CDH4: variants seen among roughly 807,000 people sequenced by gnomAD.
The protein encoded by CDH4 is cadherin-4.
CDH4 carries 33 observed loss-of-function variants against 86.0 expected under a neutral mutation model. The observed-to-expected ratio is 0.38, with a 90% CI of 0.29 to 0.51. The LOEUF (loss-of-function observed/expected upper bound fraction) is 0.51. Among genes scored for constraint, CDH4 ranks in the 20% least tolerant of loss-of-function variants. The probability of loss-of-function intolerance (pLI) is 0.86; values close to 1 mark genes in which losing one functional copy is unlikely to be tolerated. For missense variants in CDH4, 1,114 were observed against 1,307.4 expected, an observed-to-expected ratio of 0.85 and a Z score of 2.28; for synonymous variants, 555 against 549.4, an observed-to-expected ratio of 1.01 and a Z score of -0.14.
chr20:61,386,785 T>C (rs1253285061), intron 2 of CDH4, among the ~76,000 whole-genome samples: 1 of 152,252 alleles, frequency 6.6e-6, no homozygotes, highest in African/African-American at 2.4e-5. Flanking sequence ...CTCGATATTT[T>C]GTGCCTTCAG....
intron 2 of CDH4, among the ~76,000 whole-genome samples, chr20:61,682,852 T>C (rs2087532274): frequency 6.6e-6 from 1 of 152,026 alleles, no homozygotes; most frequent in African/African-American, 2.4e-5. Context: ...AACGTTCTTA[T>C]TGTGGGGCAA....
intron 14 of CDH4, 39 bp downstream of exon 14, chr20:61,933,163 C>T (rs374369352): frequency 2.5e-5 from 40 of 1,601,548 alleles, no homozygotes; most frequent in African/African-American, 2.0e-4. Context: ...CACGCGAGGC[C>T]GGCTCTCACG....
intron 2 of CDH4, among the ~76,000 whole-genome samples, chr20:61,439,256 C>T (rs954028030): frequency 1.3e-5 from 2 of 152,058 alleles, no homozygotes; most frequent in African/African-American, 2.4e-5. Flanking sequence ...CTGCAGTGTG[C>T]GTTTCGGTTG....
At chr20:61,481,925 T>C (rs142166374) in intron 2 of CDH4, among the ~76,000 whole-genome samples, 1 of 152,344 alleles carries the variant, frequency 6.6e-6, no homozygotes, top group African/African-American at 2.4e-5. Context: ...ATCGATGACT[T>C]TTCCATACAT....
intron 2 of CDH4, among the ~76,000 whole-genome samples, chr20:61,618,217 T>C (rs890842142): frequency 2.6e-5 from 4 of 152,090 alleles, no homozygotes; most frequent in Admixed American, 6.5e-5. Context: ...CGGTTCTTGT[T>C]TTCCGGAGCC....
intron 2 of CDH4, among the ~76,000 whole-genome samples, chr20:61,507,276 C>T (rs761726985): frequency 2.0e-5 from 3 of 152,138 alleles, no homozygotes; most frequent in Non-Finnish European, 1.5e-5. Context: ...TAGAACAAGG[C>T]GCAGCCATCT....
chr20:61,629,236 C>A (rs1262274718), intron 2 of CDH4, among the ~76,000 whole-genome samples: 1 of 152,128 alleles, frequency 6.6e-6, no homozygotes, highest in East Asian at 1.9e-4. Context: ...GCCAGGGAGC[C>A]CCCTGTGGCT....
chr20:61,601,568 G>T (rs560797750), intron 2 of CDH4, among the ~76,000 whole-genome samples: 1 of 152,132 alleles, frequency 6.6e-6, no homozygotes, highest in Non-Finnish European at 1.5e-5. Context: ...TCAGATGCCC[G>T]CCCGCTGCCC....
At chr20:61,446,726 C>T (rs2085352323) in intron 2 of CDH4, among the ~76,000 whole-genome samples, 1 of 152,198 alleles carries the variant, frequency 6.6e-6, no homozygotes. Context: ...CCGAAGAAAG[C>T]CCAGCCCGCT....
At chr20:61,764,438 G>A (rs2088674504) in intron 3 of CDH4, among the ~76,000 whole-genome samples, 1 of 152,134 alleles carries the variant, frequency 6.6e-6, no homozygotes. Flanking sequence ...GGAAGAGAGA[G>A]GATGCCTGTA....
chr20:61,916,279 G>A (rs1028094115), intron 9 of CDH4, among the ~76,000 whole-genome samples: 1 of 152,118 alleles, frequency 6.6e-6, no homozygotes, highest in Non-Finnish European at 1.5e-5. Context: ...CCAGTATCTT[G>A]AGGGCATCTG....
chr20:61,497,995 G>T (rs2085674341), intron 2 of CDH4, among the ~76,000 whole-genome samples: 1 of 142,370 alleles, frequency 7.0e-6, no homozygotes, highest in South Asian at 2.2e-4. Flanking sequence ...CTCATAGGTG[G>T]GAATTAAACA....
chr20:61,433,086 G>T (rs897978861), intron 2 of CDH4, among the ~76,000 whole-genome samples: 3 of 152,086 alleles, frequency 2.0e-5, no homozygotes, highest in African/African-American at 7.2e-5. Flanking sequence ...TGATCCGCCT[G>T]CCTTGGCCTC....
chr20:61,562,061 C>T (rs8116130), intron 2 of CDH4, among the ~76,000 whole-genome samples: 3,584 of 137,848 alleles, frequency 0.026, 47 homozygotes, highest in African/African-American at 0.068. Context: ...CCAGGGCTCC[C>T]GGAGAGAGAG....
chr20:61,466,281 A>C (rs1325315295), intron 2 of CDH4, among the ~76,000 whole-genome samples: 1 of 152,182 alleles, frequency 6.6e-6, no homozygotes, highest in Non-Finnish European at 1.5e-5. Context: ...GTTTGACAAT[A>C]TGTGAGCACA....
Position 61,932,979 on chromosome 20 carries a change from C to T in CDH4, c.2240-6C>T, listed in dbSNP as rs975497426. On this transcript the variant is annotated splice_region_variant and splice_polypyrimidine_tract_variant and intron_variant, in intron 13 of 15. Transcript: ENST00000614565. ...CACCCTGCTCACGGGCAGCCCTCCC[C>T]CACAGCCATGGTCCTGCTGTTTGTC... 27 of 1,610,668 alleles carry T rather than the reference C, an allele frequency of 1.7e-5. No individual in the cohort carries two copies. Among genetic ancestry groups the T allele is most frequent in the Middle Eastern group, 3.3e-4 (2 of 6,076 alleles).
chr20:61,353,184 A>G (rs2123304033), intron 2 of CDH4, among the ~76,000 whole-genome samples: 1 of 152,224 alleles, frequency 6.6e-6, no homozygotes, highest in South Asian at 2.1e-4. Flanking sequence ...GAAAGCATAT[A>G]CATGATGAAT....
chr20:61,935,148 G>T (rs925410817), intron 15 of CDH4, among the ~76,000 whole-genome samples: 21 of 152,166 alleles, frequency 1.4e-4, no homozygotes, highest in African/African-American at 4.8e-4. Flanking sequence ...TAGTCGGCGT[G>T]AGCCCCTGTG....
chr20:61,278,230 T>C (rs577280936), intron 2 of CDH4, among the ~76,000 whole-genome samples: 1 of 152,318 alleles, frequency 6.6e-6, no homozygotes, highest in East Asian at 1.9e-4. Context: ...CTGCTGAGAA[T>C]TGGGCACCTC....
Sources: allele counts gnomAD v4.1 joint callset (sites outside exome capture counted in the v4.1 genomes callset), GRCh38; gene constraint gnomAD v4.1.1; transcripts MANE v1.5; gene names NCBI Gene and HGNC (gene_info 2026-07-23, HGNC 2026-07-21).